The following DOCK4 variants were observed in gnomAD, a reference collection of about 807,000 sequenced individuals.
DOCK4 encodes the protein dedicator of cytokinesis protein 4.
Under a neutral mutation model 268.1 loss-of-function variants are expected in DOCK4, and 97 were observed. The ratio of observed to expected loss-of-function variants is 0.36; its 90% CI spans 0.31 to 0.43. The LOEUF is 0.43. Ranked by LOEUF, DOCK4 falls within the 20% of genes least tolerant of loss-of-function variation. DOCK4 has a pLI of 1.00. For synonymous variants in DOCK4, 954 were observed against 887.2 expected, an observed-to-expected ratio of 1.08 and a Z score of -1.34; for missense variants, 2,145 against 2,455.7, an observed-to-expected ratio of 0.87 and a Z score of 2.67.
chr7:111,890,089 T>A (rs1188847809), intron 16 of DOCK4, among the ~76,000 whole-genome samples: 1 of 152,216 alleles, frequency 6.6e-6, no homozygotes, highest in Non-Finnish European at 1.5e-5. Context: ...TCAGAATGAA[T>A]GGGGACTTGA....
At chr7:112,172,158 C>T (rs17567733) in intron 1 of DOCK4, among the ~76,000 whole-genome samples, 7 of 152,102 alleles carry the variant, frequency 4.6e-5, no homozygotes, top group Admixed American at 3.9e-4. Context: ...CATAACAATG[C>T]CCCGATGAAA....
At chr7:112,151,365 C>T (rs886990094) in intron 1 of DOCK4, among the ~76,000 whole-genome samples, 4 of 152,052 alleles carry the variant, frequency 2.6e-5, no homozygotes, top group African/African-American at 7.2e-5. Context: ...GTACTCAATA[C>T]AGCACCTAAC....
At chr7:112,019,217 T>C (rs1202377287) in intron 1 of DOCK4, among the ~76,000 whole-genome samples, 1 of 152,200 alleles carries the variant, frequency 6.6e-6, no homozygotes, top group Non-Finnish European at 1.5e-5. Flanking sequence ...AGACATATTG[T>C]TCCTTAGGTG....
In DOCK4 at chr7:111,728,378, G is replaced by T; in HGVS notation, c.5824C>A (p.Pro1942Thr). 3.2e-6 allele frequency: 5 copies of T among 1,541,132 alleles called. No homozygotes were observed. Among genetic ancestry groups the T allele is most frequent in the South Asian group, 2.5e-5 (2 of 79,036 alleles). ...PVTSEPPALPPKPLAARSSHL... is the reference protein window; with the variant it reads ...PVTSEPPALPTKPLAARSSHL... ...CTGGATCGCGCTGCCAGAGGCTTGG[G>T]GGGCAGCGCGGGCGGCTCCGACGTG... Residue 1942 changes from proline to threonine, a missense_variant, in exon 53 of 53, where the codon CCC (proline) becomes ACC (threonine). Transcript: ENST00000428084.
At chr7:111,786,619 A>C (rs1365627801) in intron 32 of DOCK4, among the ~76,000 whole-genome samples, 6 of 152,204 alleles carry the variant, frequency 3.9e-5, no homozygotes, top group African/African-American at 1.4e-4. Flanking sequence ...CAAGCACTAC[A>C]ATTTAGGAAG....
At chr7:111,877,298 T>C in intron 16 of DOCK4, 112 bp from the exon 17 acceptor site, 1 of 960,792 alleles carries the variant, frequency 1.0e-6, no homozygotes, top group Non-Finnish European at 1.4e-6. Flanking sequence ...CCAAACAGTA[T>C]TACAAGTAGA....
At position 111,935,535 on chromosome 7, in the gene DOCK4, C is replaced by G. The variant is rs765648570; in HGVS notation, c.1066+5G>C. The G allele has an allele frequency of 3.1e-6, 5 of 1,612,018 alleles. No homozygotes were observed. Reference sequence around the variant, plus strand: ...TAGGGAAAGTCAGCCAGCCCATACACTCACCTGCATTGGAGCCAGTCAAGT... The same window carrying G: ...TAGGGAAAGTCAGCCAGCCCATACAGTCACCTGCATTGGAGCCAGTCAAGT... On this transcript the variant is annotated splice_donor_5th_base_variant and intron_variant, in intron 12 of 52. Coordinates refer to ENST00000428084, the MANE Select transcript of DOCK4 (RefSeq NM_001363540.2).
chr7:111,872,410 A>G, intron 18 of DOCK4, 57 bp downstream of exon 18: 8 of 1,531,618 alleles, frequency 5.2e-6, no homozygotes, highest in Non-Finnish European at 7.1e-6. Context: ...TTTTTCCTCC[A>G]AATGTTCTTT....
At chr7:112,077,670 C>T (rs188398843) in intron 1 of DOCK4, among the ~76,000 whole-genome samples, 72 of 151,986 alleles carry the variant, frequency 4.7e-4, no homozygotes, top group Admixed American at 1.3e-3. Context: ...TTAATATGTG[C>T]GTGTGTGTGT....
chr7:111,944,207 A>G (rs1795431904), intron 10 of DOCK4, among the ~76,000 whole-genome samples: 1 of 152,226 alleles, frequency 6.6e-6, no homozygotes, highest in Non-Finnish European at 1.5e-5. Context: ...GTGCTACATT[A>G]TATAAGTGTT....
intron 8 of DOCK4, among the ~76,000 whole-genome samples, chr7:111,959,295 A>C (rs1185619293): frequency 6.6e-6 from 1 of 151,624 alleles, no homozygotes; most frequent in Non-Finnish European, 1.5e-5. Context: ...ACAAAGTTGT[A>C]CTCCCTGCAC....
intron 1 of DOCK4, among the ~76,000 whole-genome samples, chr7:112,038,878 C>A (rs1489730765): frequency 1.3e-5 from 2 of 152,200 alleles, no homozygotes; most frequent in Non-Finnish European, 2.9e-5. Flanking sequence ...GACAGGAACT[C>A]TTTTAAAAAG....
intron 39 of DOCK4, among the ~76,000 whole-genome samples, chr7:111,762,870 A>T (rs1797540983): frequency 6.8e-6 from 1 of 147,462 alleles, no homozygotes; most frequent in South Asian, 2.1e-4. Flanking sequence ...GAGCTCAAGC[A>T]ATCCTCCTGC....
At chr7:111,766,418 T>C (rs1318565584) in intron 38 of DOCK4, among the ~76,000 whole-genome samples, 2 of 152,150 alleles carry the variant, frequency 1.3e-5, no homozygotes, top group Admixed American at 1.3e-4. Context: ...GGATCTTGTG[T>C]ATTACAAGAT....
intron 26 of DOCK4, among the ~76,000 whole-genome samples, chr7:111,826,165 G>A (rs1355267640): frequency 1.3e-5 from 2 of 152,164 alleles, no homozygotes; most frequent in Admixed American, 6.5e-5. Flanking sequence ...TTGAAAATGT[G>A]AATAAGTCTG....
At chr7:112,184,504 C>T (rs1299225025) in intron 1 of DOCK4, among the ~76,000 whole-genome samples, 1 of 152,162 alleles carries the variant, frequency 6.6e-6, no homozygotes, top group African/African-American at 2.4e-5. Flanking sequence ...GCATATTCTG[C>T]AACTTGTCAT....
intron 37 of DOCK4, among the ~76,000 whole-genome samples, chr7:111,767,472 G>A (rs7778828): frequency 0.079 from 11,947 of 151,830 alleles, 1,509 homozygotes; most frequent in African/African-American, 0.27. Flanking sequence ...TGATCCACCC[G>A]CCTCGGCCTC....
At chr7:111,959,847 C>A (rs113266286) in intron 8 of DOCK4, among the ~76,000 whole-genome samples, 1,762 of 152,218 alleles carry the variant, frequency 0.012, 32 homozygotes, top group African/African-American at 0.041. Context: ...ATGTTTCAGT[C>A]TCCAAACTTA....
chr7:111,818,770 G>C (rs1471883175), intron 27 of DOCK4, among the ~76,000 whole-genome samples: 1 of 152,164 alleles, frequency 6.6e-6, no homozygotes, highest in African/African-American at 2.4e-5. Context: ...AGTTCCTTGA[G>C]TGTGCCACAT....
Sources: allele counts gnomAD v4.1 joint callset (sites outside exome capture counted in the v4.1 genomes callset), GRCh38; gene constraint gnomAD v4.1.1; transcripts MANE v1.5; gene names NCBI Gene and HGNC (gene_info 2026-07-23, HGNC 2026-07-21).